PTCH1: variants seen among roughly 807,000 people sequenced by gnomAD.
The protein encoded by PTCH1 is patched 1.
In PTCH1, 14 loss-of-function variants were observed where a neutral mutation model predicts 144.6. The observed-to-expected ratio is 0.10, with a 90% confidence interval of 0.06 to 0.15. The LOEUF (loss-of-function observed/expected upper bound fraction) is 0.15. Among genes scored for constraint, PTCH1 ranks in the 10% least tolerant of loss-of-function variants. PTCH1 has a pLI of 1.00. For missense variants in PTCH1, 1,623 were observed against 1,948.3 expected (o/e 0.83, Z 3.14); for synonymous variants, 833 against 793.6 (o/e 1.05, Z -0.83).
At chr9:95,446,695 T>C in intron 23 of PTCH1, 1 of 640,154 alleles carries the variant, frequency 1.6e-6, no homozygotes, top group Non-Finnish European at 2.7e-6. Context: ...AGGTTAGCAG[T>C]GGGGGAAGAG....
rs146616780 is a variant in PTCH1, at chr9:95,476,075, C to T, written c.1687G>A (p.Ala563Thr). ...ISNVTAFFMAALIPIPALRAF... is the reference protein window; with the variant it reads ...ISNVTAFFMATLIPIPALRAF... ...CGCAGAGCGGGAATTGGGATTAACGCGGCCATGAAGAAGGCTGTGACATTG... is the reference window on the plus strand; with the variant it reads ...CGCAGAGCGGGAATTGGGATTAACGTGGCCATGAAGAAGGCTGTGACATTG... The change falls in exon 12 of 24, where the codon GCG (alanine) becomes ACG (threonine). Residue 563 changes from alanine (A) to threonine (T), a missense_variant. By Grantham distance (58) the Ala-to-Thr change is moderately conservative. Coordinates refer to ENST00000331920, the MANE Select transcript of PTCH1 (RefSeq NM_000264.5). The surrounding 1 kb of genome is among the most constrained non-coding windows in gnomAD (Gnocchi z 4.6). 3 of 1,614,044 alleles carry T rather than the reference C, an allele frequency of 1.9e-6. No individual in the cohort carries two copies. The highest frequency in any genetic ancestry group is 1.7e-6 in the Non-Finnish European group (2 of 1,180,002).
At chr9:95,490,281 T>C (rs922471948) in intron 2 of PTCH1, among the ~76,000 whole-genome samples, 1 of 151,746 alleles carries the variant, frequency 6.6e-6, no homozygotes, top group Non-Finnish European at 1.5e-5. Context: ...GAGACCAGCC[T>C]GGGCAACACA....
intron 2 of PTCH1, among the ~76,000 whole-genome samples, chr9:95,490,082 G>A (rs1333970068): frequency 6.6e-6 from 1 of 151,738 alleles, no homozygotes; most frequent in Non-Finnish European, 1.5e-5. Flanking sequence ...GATTACAGGC[G>A]TGAGCCACTG....
intron 2 of PTCH1, among the ~76,000 whole-genome samples, chr9:95,492,023 T>C (rs1053668047): frequency 1.3e-5 from 2 of 152,214 alleles, no homozygotes; most frequent in Non-Finnish European, 2.9e-5. Flanking sequence ...AGACAGAAAC[T>C]ATTGTTAATG....
intron 8 of PTCH1, 68 bp from the exon 9 acceptor site, chr9:95,478,254 A>C: frequency 6.2e-7 from 1 of 1,605,744 alleles, no homozygotes; most frequent in Non-Finnish European, 8.5e-7. Context: ...GACAGCACAG[A>C]TCTCAGGTGA....
intron 1 of PTCH1, 131 bp from the exon 2 acceptor site, chr9:95,506,730 C>G: frequency 9.2e-7 from 1 of 1,088,980 alleles, no homozygotes; most frequent in Non-Finnish European, 1.2e-6. Context: ...CACACGGACT[C>G]GCCCTCGAGA....
At chr9:95,495,820 G>T (rs1842750437) in intron 2 of PTCH1, among the ~76,000 whole-genome samples, 2 of 152,130 alleles carry the variant, frequency 1.3e-5, no homozygotes, top group African/African-American at 2.4e-5. Flanking sequence ...AAACTTCAAT[G>T]ACTGAATTTT....
chr9:95,506,270 CAAT>C, intron 2 of PTCH1, 134 bp downstream of exon 2: 1 of 1,069,044 alleles, frequency 9.4e-7, no homozygotes, highest in Non-Finnish European at 1.3e-6. Context: ...GGCGCCCAAA[CAAT>C]AAACAATCCC....
intron 14 of PTCH1, among the ~76,000 whole-genome samples, chr9:95,468,123 A>C (rs1464652399): frequency 6.6e-6 from 1 of 152,116 alleles, no homozygotes; most frequent in Non-Finnish European, 1.5e-5. Flanking sequence ...GCTTGAATGA[A>C]GTGGCACCAT....
At position 95,464,779 on chromosome 9, in the gene PTCH1, T is replaced by C. The variant is rs533147016; in HGVS notation, c.2560+2337A>G. ...TAATGGGAATTCCATTAAAAACCAA[T>C]GAGGCTCCCACCATTTAAAAGCCAC... is the stretch of plus-strand genomic sequence containing the variant. On this transcript the variant is annotated intron_variant, in intron 15 of 23. Transcript: ENST00000331920. Among the ~76,000 whole-genome samples, 8 of 152,314 alleles carry C rather than the reference T, an allele frequency of 5.3e-5. No homozygotes were observed. In the East Asian group the frequency reaches 7.7e-4, roughly 15 times the overall value.
upstream of PTCH1, among the ~76,000 whole-genome samples, chr9:95,509,347 C>G (rs537384706): frequency 1.4e-3 from 210 of 152,304 alleles, 2 homozygotes; most frequent in Admixed American, 4.1e-3. Flanking sequence ...GTTTCTGCGA[C>G]GCGATTGGCT....
rs774712511 is a variant in PTCH1 at position 95,508,288 on chromosome 9, C to G, written c.74G>C (p.Gly25Ala). 6.5e-6 allele frequency: 10 copies of G among 1,535,180 alleles called. No homozygotes were observed. The highest frequency in any genetic ancestry group is 2.3e-4 in the Middle Eastern group (1 of 4,426). Reference protein sequence around the residue: ...GGGSGCIGAPGRPAGGGRRRR... With the variant: ...GGGSGCIGAPARPAGGGRRRR... Reference sequence around the variant, plus strand: ...GCGCCTCCCGCCTCCAGCCGGCCGTCCCGGGGCACCGATACAGCCGCTGCC... The same window carrying G: ...GCGCCTCCCGCCTCCAGCCGGCCGTGCCGGGGCACCGATACAGCCGCTGCC... Residue 25 changes from glycine (G) to alanine (A), a missense_variant, in exon 1 of 24, where the codon GGA becomes GCA. Coordinates refer to ENST00000331920, the MANE Select transcript of PTCH1 (RefSeq NM_000264.5).
Position 95,478,145 on chromosome 9 carries a change from C to T in PTCH1, c.1257G>A (p.Val419=), listed in dbSNP as rs1060504535. Residue 419 remains valine, a synonymous_variant, in exon 9 of 24, where the codon GTG becomes GTA. Coordinates refer to ENST00000331920, the MANE Select transcript of PTCH1 (RefSeq NM_000264.5). ...QSVAQNSTQK[V]LSFTTTTLDD... ...CCAGGGTCGTGGTGGTGAAGGAAAG[C>T]ACCTTTTGAGTGGAGTTCTGTGCGA... The T allele has an allele frequency of 3.7e-6, 6 of 1,614,118 alleles. No homozygotes were observed. Among genetic ancestry groups the T allele is most frequent in the Non-Finnish European group, 5.1e-6 (6 of 1,180,018 alleles).
At chr9:95,490,490 C>T (rs1842309329) in intron 2 of PTCH1, among the ~76,000 whole-genome samples, 1 of 147,062 alleles carries the variant, frequency 6.8e-6, no homozygotes, top group Non-Finnish European at 1.5e-5. Context: ...CAAAACAAAA[C>T]AAAACCCAGA....
chr9:95,496,829 C>T (rs1388780784), intron 2 of PTCH1, among the ~76,000 whole-genome samples: 3 of 151,582 alleles, frequency 2.0e-5, no homozygotes, highest in East Asian at 1.9e-4. Flanking sequence ...GTTATTTTCT[C>T]TTAGAAAGCC....
chr9:95,484,382 T>A (rs1015688807), intron 3 of PTCH1: 2 of 152,182 alleles, frequency 1.3e-5, no homozygotes, highest in Non-Finnish European at 1.5e-5. Flanking sequence ...CGAGCACACA[T>A]GACCATAAGC....
intron 8 of PTCH1, 23 bp downstream of exon 8, chr9:95,478,977 C>A: frequency 6.2e-7 from 1 of 1,614,076 alleles, no homozygotes; most frequent in Non-Finnish European, 8.5e-7. Flanking sequence ...CGAGTCTGCA[C>A]GCCGATTCGA....
intron 2 of PTCH1, among the ~76,000 whole-genome samples, chr9:95,496,504 T>C (rs1842800557): frequency 6.6e-6 from 1 of 151,782 alleles, no homozygotes; most frequent in Non-Finnish European, 1.5e-5. Context: ...GGAGAGAGAT[T>C]TCTTTTGGGA....
At chr9:95,456,521 T>C (rs1445826623) in intron 18 of PTCH1, 108 bp from the exon 19 acceptor site, 1 of 1,396,642 alleles carries the variant, frequency 7.2e-7, no homozygotes, top group African/African-American at 1.4e-5. Flanking sequence ...ATCAAAACAA[T>C]GAATGGACTG....
Sources: allele counts gnomAD v4.1 joint callset (sites outside exome capture counted in the v4.1 genomes callset), GRCh38; gene constraint gnomAD v4.1.1; non-coding constraint Gnocchi (gnomAD v3.1); transcripts MANE v1.5; gene names NCBI Gene and HGNC (gene_info 2026-07-23, HGNC 2026-07-21).